The following PRUNE2 variants were observed in gnomAD, a reference collection of about 807,000 sequenced individuals.
PRUNE2 encodes the protein prune homolog 2 with BCH domain.
Under a neutral mutation model 252.0 loss-of-function variants are expected in PRUNE2, and 164 were observed. That is an observed-to-expected ratio of 0.65 (90% CI 0.57 to 0.74). The LOEUF (loss-of-function observed/expected upper bound fraction) is 0.74, where lower values mean the gene tolerates loss of function less well. PRUNE2 is among the 30% of genes least tolerant of loss of function. PRUNE2 has a pLI of 0.00. For synonymous variants in PRUNE2, 1,292 were observed against 1,350.2 expected (o/e 0.96, Z 0.94); for missense variants, 3,495 against 3,711.0 (o/e 0.94, Z 1.51).
chr9:76,708,205 CA>C lies in PRUNE2; in HGVS notation c.4068del (p.Glu1357LysfsTer45). 1 of 1,613,902 alleles carries C rather than the reference CA, an allele frequency of 6.2e-7. No individual in the cohort carries two copies. The highest frequency in any genetic ancestry group is 8.5e-7 in the Non-Finnish European group (1 of 1,179,846). On this transcript the variant is annotated frameshift_variant, in exon 8 of 19. Transcript: ENST00000376718. LOFTEE classifies it high-confidence loss of function. ...AGTTCCTGGTCACTCTGCCCTTTTT[CA>C]GAAATCCCTGAGGCATTCTCCACAC... The part of the protein sequence containing the change: ...ASGVENASGI[S>X]EKGQSDQELS...
At chr9:76,691,902 T>C (rs2044777101) in intron 9 of PRUNE2, 1 of 600,448 alleles carries the variant, frequency 1.7e-6, no homozygotes. Flanking sequence ...AAAATGCAGC[T>C]GGCAGCTGTC....
rs1238423691 is a variant in PRUNE2 at position 76,706,536 on chromosome 9, C to G, written c.5738G>C (p.Arg1913Thr). 2 of 1,613,922 alleles carry G rather than the reference C, an allele frequency of 1.2e-6. No individual in the cohort carries two copies. Residue 1913 changes from arginine to threonine, a missense_variant, in exon 8 of 19, where the codon AGG becomes ACG. Physicochemically the swap from Arg to Thr is moderately conservative, Grantham distance 71. Coordinates refer to ENST00000376718, the MANE Select transcript of PRUNE2 (RefSeq NM_015225.3). Reference protein sequence around the residue: ...SHEQLWNIQPRQPDPDADKFS... With the variant: ...SHEQLWNIQPTQPDPDADKFS... ...CTTGTCAGCATCTGGGTCTGGCTGC[C>G]TTGGTTGAATGTTCCAGAGTTGCTC...
At chr9:76,863,677 A>G (rs1397527000) in intron 1 of PRUNE2, among the ~76,000 whole-genome samples, 1 of 152,204 alleles carries the variant, frequency 6.6e-6, no homozygotes, top group African/African-American at 2.4e-5. Flanking sequence ...ATTTTCCCCA[A>G]TCTACCTACT....
chr9:76,646,473 T>G (rs1158146090), intron 11 of PRUNE2, among the ~76,000 whole-genome samples: 1 of 152,248 alleles, frequency 6.6e-6, no homozygotes, highest in Non-Finnish European at 1.5e-5. Context: ...TGGCTCACTC[T>G]GGCTTCCACT....
rs1249401501 is a variant in PRUNE2 at position 76,612,376 on chromosome 9, C to T, written c.*2194G>A. 1 of 152,158 alleles carries T rather than the reference C, an allele frequency of 6.6e-6. No individual in the cohort carries two copies. Among genetic ancestry groups the T allele is most frequent in the Non-Finnish European group, 1.5e-5 (1 of 68,034 alleles). The allele number at this position is 152,158 out of a possible 1,614,324, so 9.4% of individuals were successfully genotyped here. A position where few individuals can be genotyped will look rare whatever the true frequency, so the allele number is the denominator to read the frequency against. ...AGCCCTCTATGAACAGCTCTATGCC[C>T]TCAGGTTTGCACCACTACACTGAAC... On this transcript the variant is annotated 3_prime_UTR_variant, in exon 19 of 19. Transcript: ENST00000376718.
intron 1 of PRUNE2, among the ~76,000 whole-genome samples, chr9:76,854,686 T>C (rs1352982073): frequency 6.6e-6 from 1 of 152,202 alleles, no homozygotes. Context: ...AGATAGGTTC[T>C]CTCTGTATTC....
At chr9:76,763,093 A>C in intron 6 of PRUNE2, among the ~76,000 whole-genome samples, 1 of 152,106 alleles carries the variant, frequency 6.6e-6, no homozygotes, top group Non-Finnish European at 1.5e-5. Context: ...ACTTTTCCTC[A>C]AGTCCTGTGT....
In PRUNE2 at chr9:76,705,963, C is replaced by G. The variant is rs867474707; in HGVS notation, c.6311G>C (p.Ser2104Thr). 2.5e-6 allele frequency: 4 copies of G among 1,613,958 alleles called. No individual in the cohort carries two copies. Among genetic ancestry groups the G allele is most frequent in the Non-Finnish European group, 2.5e-6 (3 of 1,179,876 alleles). The change falls in exon 8 of 19, where the codon AGC becomes ACC. Residue 2104 changes from serine (S) to threonine (T), a missense_variant. Transcript: ENST00000376718. ...EHDSNSQASD[S>T]PDICHDSEAK... ...TTCAGAATCGTGACATATATCAGGG[C>G]TGTCGGAAGCCTGAGAATTGCTGTC...
At chr9:76,715,482 T>G (rs567874894) in intron 6 of PRUNE2, among the ~76,000 whole-genome samples, 38 of 152,324 alleles carry the variant, frequency 2.5e-4, no homozygotes, top group African/African-American at 8.2e-4. Flanking sequence ...CTTTTTTGGT[T>G]GCAAGGAATT....
chr9:76,850,549 G>T lies in PRUNE2; in HGVS notation c.258C>A (p.His86Gln). Residue 86 changes from histidine (H) to glutamine (Q), a missense_variant, in exon 3 of 19, where the codon CAC becomes CAA. Coordinates refer to ENST00000376718, the MANE Select transcript of PRUNE2 (RefSeq NM_015225.3). ...LEELNISESF[H>Q]IFRDEINLHQ... The stretch of plus-strand genomic sequence containing the variant: ...GCAGGTTAATTTCATCCCGGAATAT[G>T]TGGAATGATTCGGAAATATTTAGCT... 4.3e-6 allele frequency: 7 copies of T among 1,613,436 alleles called. No homozygotes were observed. The highest frequency in any genetic ancestry group is 5.9e-6 in the Non-Finnish European group (7 of 1,179,422).
At chr9:76,832,654 TA>T (rs1036620921) in intron 4 of PRUNE2, among the ~76,000 whole-genome samples, 2 of 150,442 alleles carry the variant, frequency 1.3e-5, no homozygotes, top group African/African-American at 2.4e-5. Context: ...TAAATTCACC[TA>T]AAAAAAAGGT....
intron 6 of PRUNE2, among the ~76,000 whole-genome samples, chr9:76,816,156 C>A (rs1174595774): frequency 7.0e-6 from 1 of 143,748 alleles, no homozygotes; most frequent in Non-Finnish European, 1.5e-5. Flanking sequence ...GAGCAAAACT[C>A]CATCTCCAAA....
chr9:76,630,716 C>A (rs111739255), intron 15 of PRUNE2, among the ~76,000 whole-genome samples: 2,150 of 152,180 alleles, frequency 0.014, 43 homozygotes, highest in African/African-American at 0.047. Context: ...TTAGTAGAGA[C>A]AGGGTTTCAC....
chr9:76,721,585 T>C (rs773104817), intron 6 of PRUNE2, among the ~76,000 whole-genome samples: 3 of 152,206 alleles, frequency 2.0e-5, no homozygotes, highest in Non-Finnish European at 2.9e-5. Flanking sequence ...AGTAAAATGC[T>C]TGCAGATAAA....
rs1454612096 is a variant in PRUNE2 at position 76,826,737 on chromosome 9, A to G, written c.509-5T>C. ...TCCACTTGAAAAGAATGCTACCTGA[A>G]AGGTATGAATAAAAATGCTCTTAAA... On this transcript the variant is annotated splice_region_variant and splice_polypyrimidine_tract_variant and intron_variant, in intron 4 of 18. Transcript: ENST00000376718. 1.9e-6 allele frequency: 3 copies of G among 1,597,196 alleles called. No homozygotes were observed. The South Asian group carries it at 3.4e-5, about 18-fold the overall frequency.
intron 18 of PRUNE2, chr9:76,615,075 T>C (rs1828781386): frequency 1.0e-6 from 1 of 986,130 alleles, no homozygotes; most frequent in East Asian, 1.1e-4. Context: ...CCAAAGGAAT[T>C]GACTGAAAGG....
chr9:76,685,653 C>G (rs569741534), intron 9 of PRUNE2, among the ~76,000 whole-genome samples: 4 of 152,274 alleles, frequency 2.6e-5, no homozygotes, highest in African/African-American at 9.6e-5. Flanking sequence ...CAGCCATATG[C>G]AAGCTAAGGA....
chr9:76,896,850 C>T (rs7032209), intron 1 of PRUNE2, among the ~76,000 whole-genome samples: 3,976 of 152,242 alleles, frequency 0.026, 166 homozygotes, highest in African/African-American at 0.091. Flanking sequence ...ACCAAATAAC[C>T]TTGGTGGCAA....
At position 76,706,087 on chromosome 9, in the gene PRUNE2, G is replaced by T. The variant is rs756587144; in HGVS notation, c.6187C>A (p.Leu2063Met). 6.2e-7 allele frequency: 1 copy of T among 1,614,028 alleles called. No individual in the cohort carries two copies. Among genetic ancestry groups the T allele is most frequent in the Non-Finnish European group, 8.5e-7 (1 of 1,179,882 alleles). Residue 2063 changes from leucine to methionine, a missense_variant, in exon 8 of 19, where the codon CTG (leucine) becomes ATG (methionine). Physicochemically the swap from Leu to Met is conservative, Grantham distance 15 (BLOSUM62 2). Transcript: ENST00000376718. ...CACAAGTCAGGCGCGGCAGAGGCCA[G>T]CTGCCCACCCTCTTGAAAGTTGCCA... ...LHGNFQEGGQLASAAPDLWID... is the reference protein window; with the variant it reads ...LHGNFQEGGQMASAAPDLWID...
Sources: gnomAD v4.1 joint callset for allele counts (sites outside exome capture counted in the v4.1 genomes callset) on GRCh38, gnomAD v4.1.1 for gene constraint, MANE v1.5 for transcripts, NCBI Gene and HGNC (gene_info 2026-07-23, HGNC 2026-07-21) for gene names.